PPP1R16B: variants seen among roughly 807,000 people sequenced by gnomAD.
PPP1R16B encodes the protein protein phosphatase 1 regulatory subunit 16B.
Under a neutral mutation model 61.7 loss-of-function variants are expected in PPP1R16B, and 14 were observed. The observed-to-expected ratio is 0.23, with a 90% confidence interval of 0.15 to 0.35. PPP1R16B has a LOEUF of 0.35. Among genes scored for constraint, PPP1R16B ranks in the 10% least tolerant of loss-of-function variants. PPP1R16B has a pLI of 1.00. For synonymous variants in PPP1R16B, 266 were observed against 305.3 expected (o/e 0.87, Z 1.34); for missense variants, 547 against 752.5 (o/e 0.73, Z 3.19).
intron 6 of PPP1R16B, among the ~76,000 whole-genome samples, chr20:38,903,363 C>T (rs2085411808): frequency 6.6e-6 from 1 of 152,148 alleles, no homozygotes; most frequent in African/African-American, 2.4e-5. Context: ...TGCTTTCTTG[C>T]TTTGCACTGT....
In PPP1R16B at chr20:38,885,211, TA is replaced by T. The variant is rs1440341415; in HGVS notation, c.251-4380del. Among the ~76,000 whole-genome samples the T allele has an allele frequency of 2.0e-5, 3 of 151,138 alleles. No homozygotes were observed. In the East Asian group the frequency reaches 5.8e-4, roughly 29 times the overall value. ...CCCTATATTAAAAAAATAATAATAA[TA>T]AAAGAAGAAGAAGAAGAAAAGAGCA... On this transcript the variant is annotated intron_variant, in intron 2 of 10. Coordinates refer to ENST00000299824, the MANE Select transcript of PPP1R16B (RefSeq NM_015568.4).
intron 5 of PPP1R16B, 118 bp from the exon 6 acceptor site, chr20:38,902,550 G>A: frequency 7.2e-7 from 1 of 1,395,634 alleles, no homozygotes; most frequent in Admixed American, 1.8e-5. Flanking sequence ...ATGTCTGCAT[G>A]CCCGCTTGAC....
intron 1 of PPP1R16B, among the ~76,000 whole-genome samples, chr20:38,835,111 C>G (rs971079826): frequency 2.0e-5 from 3 of 152,196 alleles, no homozygotes; most frequent in Non-Finnish European, 4.4e-5. Context: ...TTCAGGAATT[C>G]CCTATGGGGT....
intron 2 of PPP1R16B, among the ~76,000 whole-genome samples, chr20:38,842,011 G>C (rs2145723905): frequency 6.6e-6 from 1 of 152,272 alleles, no homozygotes; most frequent in Middle Eastern, 3.4e-3. Flanking sequence ...CTGCTGTACT[G>C]TCTTGGAAAA....
Position 38,906,033 on chromosome 20 carries a change from G to A in PPP1R16B, c.761G>A (p.Arg254His), listed in dbSNP as rs376987738. The change falls in exon 7 of 11, where the codon CGT (arginine) becomes CAT (histidine). Residue 254 changes from arginine to histidine, a missense_variant. By Grantham distance (29) the Arg-to-His change is conservative. Coordinates refer to ENST00000299824, the MANE Select transcript of PPP1R16B (RefSeq NM_015568.4). ...AAELLLDHGV[R>H]VDVKDWDGWE... The stretch of plus-strand genomic sequence containing the variant: ...GAGCTCCTCCTGGACCATGGAGTGC[G>A]TGTGGATGTGAAGGACTGGGATGGC... 4.8e-5 allele frequency: 78 copies of A among 1,613,680 alleles called. 1 individual carries two copies. Among genetic ancestry groups the A allele is most frequent in the African/African-American group, 2.9e-4 (22 of 75,030 alleles).
intron 6 of PPP1R16B, among the ~76,000 whole-genome samples, chr20:38,905,378 G>A (rs2145777269): frequency 6.6e-6 from 1 of 152,332 alleles, no homozygotes; most frequent in African/African-American, 2.4e-5. Flanking sequence ...TTGGCAGGAA[G>A]CCTCAGTTTC....
intron 7 of PPP1R16B, 99 bp from the exon 8 acceptor site, chr20:38,906,879 TC>T (rs2085447855): frequency 1.0e-6 from 1 of 965,094 alleles, no homozygotes; most frequent in Non-Finnish European, 1.6e-6. Context: ...GTCCCACCAT[TC>T]TTTGGGTCAC....
chr20:38,914,414 G>C (rs1263416338), intron 10 of PPP1R16B, among the ~76,000 whole-genome samples: 1 of 152,136 alleles, frequency 6.6e-6, no homozygotes. Flanking sequence ...CTGTTGTCCA[G>C]TATCTCAGTT....
intron 2 of PPP1R16B, among the ~76,000 whole-genome samples, chr20:38,883,787 A>C (rs1464074478): frequency 6.6e-6 from 1 of 152,140 alleles, no homozygotes; most frequent in East Asian, 1.9e-4. Context: ...TCACTGGTTG[A>C]TTTTTGTTTT....
chr20:38,817,737 C>T (rs1194441684), intron 1 of PPP1R16B, among the ~76,000 whole-genome samples: 4 of 152,092 alleles, frequency 2.6e-5, no homozygotes, highest in Non-Finnish European at 4.4e-5. Flanking sequence ...AAGAAGGGTA[C>T]TGCCACTCAT....
At chr20:38,904,777 C>T (rs1161260316) in intron 6 of PPP1R16B, among the ~76,000 whole-genome samples, 2 of 152,200 alleles carry the variant, frequency 1.3e-5, no homozygotes, top group African/African-American at 2.4e-5. Flanking sequence ...GACTCTCCAG[C>T]CCAAGACCTC....
In PPP1R16B at chr20:38,900,588, G is replaced by A. The variant is rs866362326; in HGVS notation, c.475G>A (p.Asp159Asn). ...CTGCCTCTTTCTCTGCAGTGGGGCC[G>A]ACTTGCTTGCTGTCAACTCGGATGG... The part of the protein sequence containing the change: ...LVKILVQYGA[D>N]LLAVNSDGNM... Residue 159 changes from aspartate (D) to asparagine (N), a missense_variant, in exon 5 of 11, where the codon GAC (aspartate) becomes AAC (asparagine). Asp to Asn is a conservative substitution (Grantham distance 23). Transcript: ENST00000299824. 1.4e-5 allele frequency: 23 copies of A among 1,601,936 alleles called. No homozygotes were observed. Among genetic ancestry groups the A allele is most frequent in the East Asian group, 2.3e-5 (1 of 43,856 alleles).
At chr20:38,847,931 T>C (rs1375794762) in intron 2 of PPP1R16B, among the ~76,000 whole-genome samples, 1 of 152,250 alleles carries the variant, frequency 6.6e-6, no homozygotes, top group Non-Finnish European at 1.5e-5. Flanking sequence ...ATTTCTTTTT[T>C]TAAAATCATT....
rs576890499 is a variant in PPP1R16B, at chr20:38,910,136, G to A, written c.1194+1943G>A. 6.0e-4 allele frequency among the ~76,000 whole-genome samples: 91 copies of A among 152,046 alleles called. 1 individual carries two copies. The South Asian group carries it at 6.3e-3, about 10-fold the overall frequency. The stretch of plus-strand genomic sequence containing the variant: ...TGGGATTACTAGTGCCCGCCACGAC[G>A]CCTGGTGGATTTTTGTATTTTTAGT... On this transcript the variant is annotated intron_variant, in intron 10 of 10. Coordinates refer to ENST00000299824, the MANE Select transcript of PPP1R16B (RefSeq NM_015568.4).
intron 2 of PPP1R16B, among the ~76,000 whole-genome samples, chr20:38,857,591 G>T (rs186745158): frequency 4.7e-4 from 71 of 152,284 alleles, no homozygotes; most frequent in Admixed American, 6.5e-4. Flanking sequence ...TAGATAGATC[G>T]GTAGGTAGGT....
chr20:38,909,711 C>T (rs2867240), intron 10 of PPP1R16B, among the ~76,000 whole-genome samples: 55,179 of 152,076 alleles, frequency 0.36, 10,550 homozygotes, highest in Middle Eastern at 0.52. Flanking sequence ...CTTCCCAGCA[C>T]GAACAGTGGG....
intron 1 of PPP1R16B, among the ~76,000 whole-genome samples, chr20:38,821,059 ATTTGGCC>A (rs2084770679): frequency 2.0e-5 from 3 of 150,490 alleles, no homozygotes; most frequent in Non-Finnish European, 4.4e-5. Context: ...AAAAAAAAAA[ATTTGGCC>A]ATTCTGATAG....
At chr20:38,829,632 G>A (rs929264675) in intron 1 of PPP1R16B, among the ~76,000 whole-genome samples, 2 of 152,246 alleles carry the variant, frequency 1.3e-5, no homozygotes, top group Non-Finnish European at 2.9e-5. Context: ...CTCTGGAAGT[G>A]TGGATAGGTG....
At chr20:38,850,568 A>C (rs1196528118) in intron 2 of PPP1R16B, among the ~76,000 whole-genome samples, 1 of 152,212 alleles carries the variant, frequency 6.6e-6, no homozygotes, top group Non-Finnish European at 1.5e-5. Context: ...TAGCTGCTAA[A>C]TTTTTTATTG....
Sources: gnomAD v4.1 joint callset for allele counts (sites outside exome capture counted in the v4.1 genomes callset) on GRCh38, gnomAD v4.1.1 for gene constraint, MANE v1.5 for transcripts, NCBI Gene and HGNC (gene_info 2026-07-23, HGNC 2026-07-21) for gene names.